Variants in MAN1A1 observed in about 807,000 individuals in gnomAD.
The protein encoded by MAN1A1 is mannosidase alpha class 1A member 1.
MAN1A1 carries 29 observed loss-of-function variants against 70.8 expected under a neutral mutation model. The observed-to-expected ratio is 0.41, with a 90% CI of 0.31 to 0.56. The LOEUF (loss-of-function observed/expected upper bound fraction) is 0.56, where lower values mean the gene tolerates loss of function less well. MAN1A1 is among the 20% of genes least tolerant of loss of function. The probability of loss-of-function intolerance (pLI) is 0.29; values close to 1 mark genes in which losing one functional copy is unlikely to be tolerated. For synonymous variants in MAN1A1, 349 were observed against 330.1 expected, an observed-to-expected ratio of 1.06 and a Z score of -0.62; for missense variants, 747 against 841.3, an observed-to-expected ratio of 0.89 and a Z score of 1.39.
chr6:119,250,481 T>A (rs960973477), intron 5 of MAN1A1, among the ~76,000 whole-genome samples: 1 of 152,186 alleles, frequency 6.6e-6, no homozygotes, highest in African/African-American at 2.4e-5. Flanking sequence ...TGGAAAGAAA[T>A]AATAAGTTAT....
intron 2 of MAN1A1, among the ~76,000 whole-genome samples, chr6:119,347,984 T>C (rs1470802125): frequency 6.6e-6 from 1 of 152,220 alleles, no homozygotes; most frequent in Non-Finnish European, 1.5e-5. Context: ...CTTTATAGTC[T>C]GAAAGTACAC....
chr6:119,253,631 C>T (rs1387402931), intron 5 of MAN1A1, among the ~76,000 whole-genome samples: 2 of 152,136 alleles, frequency 1.3e-5, no homozygotes, highest in Admixed American at 1.3e-4. Flanking sequence ...AATAAACAAA[C>T]TTATTTCTTG....
At chr6:119,260,289 T>G (rs950413445) in intron 5 of MAN1A1, among the ~76,000 whole-genome samples, 7 of 152,218 alleles carry the variant, frequency 4.6e-5, no homozygotes, top group African/African-American at 1.7e-4. Context: ...ACTGGATACA[T>G]TTCTGTAACA....
chr6:119,220,229 G>A (rs1201417893), intron 6 of MAN1A1, among the ~76,000 whole-genome samples: 2 of 151,990 alleles, frequency 1.3e-5, no homozygotes, highest in Non-Finnish European at 2.9e-5. Context: ...ATGATATTTG[G>A]AGTTGCTGAT....
chr6:119,249,947 T>C (rs1021466026), intron 5 of MAN1A1, among the ~76,000 whole-genome samples: 3 of 152,208 alleles, frequency 2.0e-5, no homozygotes, highest in African/African-American at 4.8e-5. Context: ...ATTCCTTGTA[T>C]ACAAATAAGG....
At chr6:119,200,325 G>GT (rs1422846432) in intron 8 of MAN1A1, among the ~76,000 whole-genome samples, 1 of 152,112 alleles carries the variant, frequency 6.6e-6, no homozygotes, top group East Asian at 1.9e-4. Context: ...CCACACTTAG[G>GT]TAAGTGGTAA....
intron 6 of MAN1A1, among the ~76,000 whole-genome samples, chr6:119,219,550 G>A (rs1211250764): frequency 6.6e-6 from 1 of 151,134 alleles, no homozygotes; most frequent in African/African-American, 2.4e-5. Flanking sequence ...TATCTTTTTG[G>A]ATTAAGCAAC....
At position 119,349,657 on chromosome 6, in the gene MAN1A1, G is replaced by A; in HGVS notation, c.-338C>T. Reference sequence around the variant, plus strand: ...GCTGGGCTGAGCGCGCTGTCCCACGGTCCCGCAGCCCCGGCGCGGCTCAGG... The same window carrying A: ...GCTGGGCTGAGCGCGCTGTCCCACGATCCCGCAGCCCCGGCGCGGCTCAGG... On this transcript the variant is annotated 5_prime_UTR_variant, in exon 1 of 13. Transcript: ENST00000368468. The A allele has an allele frequency of 1.0e-6, 1 of 985,924 alleles. No homozygotes were observed. Among genetic ancestry groups the A allele is most frequent in the Non-Finnish European group, 1.2e-6 (1 of 830,032 alleles). The allele number at this position is 985,924 out of a possible 1,614,324, so 61.1% of individuals were successfully genotyped here.
intron 5 of MAN1A1, among the ~76,000 whole-genome samples, chr6:119,261,217 G>A (rs190279643): frequency 6.6e-6 from 1 of 152,050 alleles, no homozygotes; most frequent in Admixed American, 6.5e-5. Flanking sequence ...CTGACCTCGT[G>A]ATCCACCCGC....
chr6:119,177,556 T>C lies in MAN1A1; in HGVS notation c.*2263A>G, dbSNP rs1773039322. 1 of 152,092 alleles carries C rather than the reference T, an allele frequency of 6.6e-6. No individual in the cohort carries two copies. The highest frequency in any genetic ancestry group is 1.5e-5 in the Non-Finnish European group (1 of 67,940). 9.4% of individuals were successfully genotyped at this position (152,092 alleles called of 1,614,324 possible). On this transcript the variant is annotated 3_prime_UTR_variant, in exon 13 of 13. Transcript: ENST00000368468. ...ATACAAATTTAACTGCACAGTTTTG[T>C]TGAAAATAAGTTTCAACAATAAGAC...
At chr6:119,274,056 T>G (rs1339373161) in intron 5 of MAN1A1, among the ~76,000 whole-genome samples, 13 of 152,282 alleles carry the variant, frequency 8.5e-5, no homozygotes, top group African/African-American at 2.9e-4. Context: ...GAGATTTCAC[T>G]ATGGGTTGGA....
chr6:119,344,775 T>A (rs914937619), intron 2 of MAN1A1, among the ~76,000 whole-genome samples: 1 of 152,254 alleles, frequency 6.6e-6, no homozygotes, highest in African/African-American at 2.4e-5. Context: ...ATAGGCTATA[T>A]GCCTAAGGCT....
rs1455010892 is a variant in MAN1A1 at position 119,179,260 on chromosome 6, C to G, written c.*559G>C. ...TGGAATGACTTTCTAATTTGAATTACAATGTGAGTGAAGTATTTTAGAAGA... is the reference window on the plus strand; with the variant it reads ...TGGAATGACTTTCTAATTTGAATTAGAATGTGAGTGAAGTATTTTAGAAGA... On this transcript the variant is annotated 3_prime_UTR_variant, in exon 13 of 13. Transcript: ENST00000368468. 6.6e-6 allele frequency: 1 copy of G among 152,506 alleles called. No homozygotes were observed. Among genetic ancestry groups the G allele is most frequent in the Non-Finnish European group, 1.5e-5 (1 of 68,004 alleles). 9.4% of individuals were successfully genotyped at this position (152,506 alleles called of 1,614,324 possible). A position where few individuals can be genotyped will look rare whatever the true frequency, so the allele number is the denominator to read the frequency against.
In MAN1A1 at chr6:119,179,700, T is replaced by TTTAAGAAC; in HGVS notation, c.*111_*118dup. 2 of 919,688 alleles carry TTTAAGAAC rather than the reference T, an allele frequency of 2.2e-6. No individual in the cohort carries two copies. The highest frequency in any genetic ancestry group is 3.3e-6 in the Non-Finnish European group (2 of 615,250). 57.0% of individuals were successfully genotyped at this position (919,688 alleles called of 1,614,324 possible). On this transcript the variant is annotated 3_prime_UTR_variant, in exon 13 of 13. Transcript: ENST00000368468. The stretch of plus-strand genomic sequence containing the variant: ...ATAAACATAAAAGACTGCAAAACAA[T>TTTAAGAAC]TTAAGAACTTAATCACAGACCTACT...
chr6:119,302,121 A>G lies in MAN1A1; in HGVS notation c.701-18T>C. 4 of 1,220,732 alleles carry G rather than the reference A, an allele frequency of 3.3e-6. No homozygotes were observed. Among genetic ancestry groups the G allele is most frequent in the African/African-American group, 1.5e-5 (1 of 66,818 alleles). The allele number at this position is 1,220,732 out of a possible 1,614,324, so 75.6% of individuals were successfully genotyped here. On this transcript the variant is annotated intron_variant, in intron 3 of 12. Coordinates refer to ENST00000368468, the MANE Select transcript of MAN1A1 (RefSeq NM_005907.4). ...GATGTTACCTGAAAAGATCAGAAAA[A>G]TATTTGATAAAATACTTTGCCTAGA...
At chr6:119,318,056 A>C (rs1353275975) in intron 2 of MAN1A1, among the ~76,000 whole-genome samples, 1 of 152,218 alleles carries the variant, frequency 6.6e-6, no homozygotes, top group African/African-American at 2.4e-5. Context: ...AACAATAATA[A>C]AAATGTATAA....
At chr6:119,316,175 G>GTTT (rs5879501) in intron 2 of MAN1A1, among the ~76,000 whole-genome samples, 46 of 116,176 alleles carry the variant, frequency 4.0e-4, no homozygotes, top group East Asian at 7.4e-4. Flanking sequence ...ATTTTTGTGG[G>GTTT]TTTTTTTTTT....
intron 6 of MAN1A1, among the ~76,000 whole-genome samples, chr6:119,229,768 A>G (rs1237194187): frequency 6.6e-6 from 1 of 152,190 alleles, no homozygotes; most frequent in African/African-American, 2.4e-5. Flanking sequence ...AAACAAACAG[A>G]TAAAGATATG....
intron 5 of MAN1A1, among the ~76,000 whole-genome samples, chr6:119,290,286 C>A (rs964736169): frequency 6.6e-6 from 1 of 151,912 alleles, no homozygotes; most frequent in Admixed American, 6.6e-5. Flanking sequence ...ATCTTACTTG[C>A]CAGGCTTTAT....
Sources: allele counts gnomAD v4.1 joint callset (sites outside exome capture counted in the v4.1 genomes callset), GRCh38; gene constraint gnomAD v4.1.1; transcripts MANE v1.5; gene names NCBI Gene and HGNC (gene_info 2026-07-23, HGNC 2026-07-21).